Variants in PCMT1 observed in about 807,000 individuals in gnomAD.
PCMT1 encodes the protein protein-L-isoaspartate(D-aspartate) O-methyltransferase.
In PCMT1, 9 loss-of-function variants were observed where a neutral mutation model predicts 29.2. The ratio of observed to expected loss-of-function variants is 0.31; its 90% confidence interval spans 0.19 to 0.54. The LOEUF is 0.54. Among genes scored for constraint, PCMT1 ranks in the 20% least tolerant of loss-of-function variants. The pLI is 0.95. For synonymous variants in PCMT1, 98 were observed against 97.5 expected (o/e 1.00, Z -0.03); for missense variants, 184 against 282.2 (o/e 0.65, Z 2.49).
At chr6:149,783,711 C>G (rs773906291) in intron 3 of PCMT1, among the ~76,000 whole-genome samples, 1 of 151,896 alleles carries the variant, frequency 6.6e-6, no homozygotes, top group East Asian at 1.9e-4. Flanking sequence ...TTTCTCCCCC[C>G]TGAGACAGGG....
chr6:149,786,615 G>A (rs1788101732), intron 3 of PCMT1, among the ~76,000 whole-genome samples: 3 of 142,740 alleles, frequency 2.1e-5, no homozygotes, highest in African/African-American at 5.5e-5. Context: ...GCCGGGCAGA[G>A]ACGCTCCTCA....
Position 149,762,994 on chromosome 6 carries a change from T to C in PCMT1, c.56-8168T>C, listed in dbSNP as rs1483606027. On this transcript the variant is annotated intron_variant, in intron 1 of 7. Coordinates refer to ENST00000464889, the MANE Select transcript of PCMT1 (RefSeq NM_001360452.2). ...ATATATGATATATATATCTATGATA[T>C]ATATGATATATATATCTATGATATA... Among the ~76,000 whole-genome samples the C allele has an allele frequency of 4.6e-5, 3 of 64,770 alleles. 1 individual carries two copies. Among genetic ancestry groups the C allele is most frequent in the Non-Finnish European group, 6.5e-5 (3 of 45,808 alleles). 42.5% of individuals were successfully genotyped at this position (64,770 alleles called of 152,430 possible).
intron 6 of PCMT1, chr6:149,799,187 G>T (rs1788724968): frequency 6.6e-6 from 1 of 152,150 alleles, no homozygotes; most frequent in South Asian, 2.1e-4. Context: ...GGCAGCCTGT[G>T]CCTGTAGTCC....
At chr6:149,796,640 C>T (rs1421717648) in intron 6 of PCMT1, 140 bp downstream of exon 6, 1 of 563,540 alleles carries the variant, frequency 1.8e-6, no homozygotes, top group African/African-American at 1.9e-5. Flanking sequence ...AGCTGTTACT[C>T]TTTTCTTTTT....
At chr6:149,753,116 T>C (rs773274671) in intron 1 of PCMT1, among the ~76,000 whole-genome samples, 1 of 152,222 alleles carries the variant, frequency 6.6e-6, no homozygotes, top group Non-Finnish European at 1.5e-5. Flanking sequence ...GATTTCTTTT[T>C]ATTAGCTTAT....
intron 4 of PCMT1, among the ~76,000 whole-genome samples, chr6:149,792,378 A>C (rs188730458): frequency 9.5e-4 from 144 of 152,342 alleles, no homozygotes; most frequent in African/African-American, 3.5e-3. Context: ...TGACACTTAG[A>C]CAAGAACCCA....
intron 3 of PCMT1, among the ~76,000 whole-genome samples, chr6:149,786,753 G>T (rs1459489029): frequency 6.6e-6 from 1 of 150,606 alleles, no homozygotes; most frequent in African/African-American, 2.5e-5. Flanking sequence ...CATCTCAGAC[G>T]ATGGGCGGCT....
intron 3 of PCMT1, among the ~76,000 whole-genome samples, chr6:149,785,735 G>A (rs1426034567): frequency 6.6e-6 from 1 of 151,548 alleles, no homozygotes; most frequent in African/African-American, 2.4e-5. Context: ...TAAGGTCACA[G>A]ATCAACAGGA....
chr6:149,769,308 C>CTTTTTTTTTTTTTTTT lies in PCMT1; in HGVS notation c.56-1845_56-1830dup, dbSNP rs372773939. On this transcript the variant is annotated intron_variant, in intron 1 of 7. Coordinates refer to ENST00000464889, the MANE Select transcript of PCMT1 (RefSeq NM_001360452.2). ...AGTTAGCACCTATTTGTGCAGGATTCTTTTTTTTTTTTTTTTTTTTTTTTG... is the reference window on the plus strand; with the variant it reads ...AGTTAGCACCTATTTGTGCAGGATTCTTTTTTTTTTTTTTTTTTTTTTTTTTTTTTTTTTTTTTTTG... Among the ~76,000 whole-genome samples, 146 of 71,530 alleles carry CTTTTTTTTTTTTTTTT rather than the reference C, an allele frequency of 2.0e-3. 31 individuals are homozygous for CTTTTTTTTTTTTTTTT. Among genetic ancestry groups the CTTTTTTTTTTTTTTTT allele is most frequent in the Middle Eastern group, 7.8e-3 (1 of 128 alleles). The allele number at this position is 71,530 out of a possible 152,430, so 46.9% of individuals were successfully genotyped here.
intron 5 of PCMT1, 30 bp from the exon 6 acceptor site, chr6:149,796,385 G>T: frequency 1.3e-6 from 2 of 1,535,478 alleles, no homozygotes; most frequent in Non-Finnish European, 1.8e-6. Context: ...ATCTAAACAG[G>T]TTTTTAAAGC....
intron 1 of PCMT1, among the ~76,000 whole-genome samples, chr6:149,760,778 G>A (rs1362690162): frequency 6.6e-6 from 1 of 152,100 alleles, no homozygotes; most frequent in Non-Finnish European, 1.5e-5. Flanking sequence ...CTTGAACCAG[G>A]GAGTCGGAGG....
chr6:149,808,529 TAGAC>T (rs1562429640), intron 7 of PCMT1, among the ~76,000 whole-genome samples: 1 of 152,172 alleles, frequency 6.6e-6, no homozygotes, highest in Non-Finnish European at 1.5e-5. Flanking sequence ...AAGTATTTTT[TAGAC>T]AGAGAGGATA....
chr6:149,768,802 T>G (rs1787196696), intron 1 of PCMT1, among the ~76,000 whole-genome samples: 1 of 151,922 alleles, frequency 6.6e-6, no homozygotes, highest in Non-Finnish European at 1.5e-5. Context: ...AATTTTTGTA[T>G]TTTTAGTAGA....
chr6:149,754,151 G>A (rs948538907), intron 1 of PCMT1, among the ~76,000 whole-genome samples: 5 of 152,196 alleles, frequency 3.3e-5, no homozygotes, highest in African/African-American at 1.2e-4. Context: ...CAGTGTGGTA[G>A]CTACTAGCTA....
intron 1 of PCMT1, among the ~76,000 whole-genome samples, chr6:149,753,344 T>G (rs1175263839): frequency 2.1e-5 from 3 of 144,130 alleles, no homozygotes; most frequent in Non-Finnish European, 4.5e-5. Flanking sequence ...ATGGTTTTTT[T>G]TTTTTGAGAC....
intron 1 of PCMT1, among the ~76,000 whole-genome samples, chr6:149,756,162 G>C (rs542803847): frequency 6.6e-6 from 1 of 152,024 alleles, no homozygotes; most frequent in Non-Finnish European, 1.5e-5. Context: ...ATTATTTTGA[G>C]GAATGCTTTT....
intron 1 of PCMT1, among the ~76,000 whole-genome samples, chr6:149,768,777 C>T (rs574469597): frequency 1.9e-4 from 29 of 152,150 alleles, no homozygotes; most frequent in Non-Finnish European, 4.1e-4. Context: ...CAGGCATGTG[C>T]CACCACGCCC....
chr6:149,766,254 C>T (rs895016083), intron 1 of PCMT1, among the ~76,000 whole-genome samples: 5 of 152,160 alleles, frequency 3.3e-5, no homozygotes, highest in African/African-American at 1.2e-4. Flanking sequence ...AAATGAAACA[C>T]ATCCTCTAGA....
chr6:149,749,949 T>G lies in PCMT1; in HGVS notation c.48T>G (p.Asn16Lys). 6.2e-7 allele frequency: 1 copy of G among 1,610,588 alleles called. No homozygotes were observed. The highest frequency in any genetic ancestry group is 8.5e-7 in the Non-Finnish European group (1 of 1,178,672). ...GGASHSELIH[N>K]LRKNGIIKTD... is the part of the protein sequence containing the mutation. ...CCAGCCACTCGGAGCTAATCCACAA[T>G]CTCCGCAGTAAGTGCCACCTCCGCC... Residue 16 changes from asparagine to lysine, a missense_variant, in exon 1 of 8, where the codon AAT becomes AAG. Coordinates refer to ENST00000464889, the MANE Select transcript of PCMT1 (RefSeq NM_001360452.2).
Sources: gnomAD v4.1 joint callset for allele counts (sites outside exome capture counted in the v4.1 genomes callset) on GRCh38, gnomAD v4.1.1 for gene constraint, MANE v1.5 for transcripts, NCBI Gene and HGNC (gene_info 2026-07-23, HGNC 2026-07-21) for gene names.